PPP2R2C: variants seen among roughly 807,000 people sequenced by gnomAD.
PPP2R2C encodes protein phosphatase 2, regulatory subunit B, gamma.
PPP2R2C carries 10 observed loss-of-function variants against 45.3 expected under a neutral mutation model. The observed-to-expected ratio is 0.22, with a 90% CI of 0.14 to 0.37. The LOEUF is 0.37. Ranked by LOEUF, PPP2R2C falls within the 10% of genes least tolerant of loss-of-function variation. The probability of loss-of-function intolerance (pLI) is 1.00; values close to 1 mark genes in which losing one functional copy is unlikely to be tolerated. For missense variants in PPP2R2C, 308 were observed against 619.7 expected, an observed-to-expected ratio of 0.50 and a Z score of 5.34; for synonymous variants, 257 against 245.4, an observed-to-expected ratio of 1.05 and a Z score of -0.44.
chr4:6,414,951 C>A (rs1718471952), intron 1 of PPP2R2C, among the ~76,000 whole-genome samples: 1 of 152,198 alleles, frequency 6.6e-6, no homozygotes, highest in African/African-American at 2.4e-5. Flanking sequence ...CTCAGGGTCA[C>A]CCTCCCAGTG....
chr4:6,436,723 C>T (rs142359279), intron 1 of PPP2R2C, among the ~76,000 whole-genome samples: 6 of 152,282 alleles, frequency 3.9e-5, no homozygotes, highest in East Asian at 1.9e-4. Flanking sequence ...TCTCAACTAC[C>T]GTCACAACTA....
intron 1 of PPP2R2C, among the ~76,000 whole-genome samples, chr4:6,416,680 A>G (rs1718606875): frequency 1.3e-5 from 2 of 152,172 alleles, no homozygotes. Flanking sequence ...TGAGCTGCCA[A>G]CACGCCCTCC....
At chr4:6,414,996 C>G (rs775990647) in intron 1 of PPP2R2C, among the ~76,000 whole-genome samples, 1 of 152,232 alleles carries the variant, frequency 6.6e-6, no homozygotes, top group Non-Finnish European at 1.5e-5. Context: ...AAGAGCATCT[C>G]GCTCACACGA....
intron 2 of PPP2R2C, among the ~76,000 whole-genome samples, chr4:6,530,568 G>T (rs529488405): frequency 6.6e-6 from 1 of 152,148 alleles, no homozygotes; most frequent in African/African-American, 2.4e-5. Context: ...GAACCTGCCC[G>T]CTGTCCGGGT....
At chr4:6,554,050 C>T (rs995442499) in intron 1 of PPP2R2C, among the ~76,000 whole-genome samples, 42 of 152,178 alleles carry the variant, frequency 2.8e-4, no homozygotes, top group African/African-American at 9.7e-4. Context: ...AAGGGGTTAT[C>T]AGGGGGTGAC....
upstream of PPP2R2C, among the ~76,000 whole-genome samples, chr4:6,476,195 C>A (rs1339588240): frequency 6.6e-6 from 1 of 152,210 alleles, no homozygotes; most frequent in Admixed American, 6.5e-5. Flanking sequence ...GCTTGAAGAA[C>A]GACCACAAAG....
intron 2 of PPP2R2C, among the ~76,000 whole-genome samples, chr4:6,524,906 T>C (rs142026072): frequency 3.3e-5 from 5 of 151,702 alleles, no homozygotes; most frequent in African/African-American, 7.3e-5. Context: ...CTGGGCAACA[T>C]AGCAAGACCC....
intron 1 of PPP2R2C, among the ~76,000 whole-genome samples, chr4:6,406,509 C>T (rs1181412040): frequency 6.6e-5 from 10 of 152,170 alleles, no homozygotes; most frequent in East Asian, 3.9e-4. Context: ...GCGGGTAGAT[C>T]GCTTGAGCCC....
intron 8 of PPP2R2C, among the ~76,000 whole-genome samples, chr4:6,325,943 G>A (rs1161647882): frequency 6.6e-6 from 1 of 152,228 alleles, no homozygotes; most frequent in Non-Finnish European, 1.5e-5. Flanking sequence ...GGGAGGCTGC[G>A]GCAGGAGAAG....
intron 1 of PPP2R2C, among the ~76,000 whole-genome samples, chr4:6,424,219 A>G (rs957832080): frequency 1.3e-5 from 2 of 152,210 alleles, no homozygotes; most frequent in African/African-American, 4.8e-5. Context: ...TAAGCACTCT[A>G]GAGCCATGTG....
At chr4:6,359,623 G>GT (rs752785867) in intron 5 of PPP2R2C, among the ~76,000 whole-genome samples, 111 of 89,872 alleles carry the variant, frequency 1.2e-3, no homozygotes, top group Non-Finnish European at 2.5e-3. Context: ...TATTTCACCT[G>GT]TAAAAAAAAA....
At chr4:6,545,610 C>A (rs1195001721) in intron 1 of PPP2R2C, among the ~76,000 whole-genome samples, 2 of 152,198 alleles carry the variant, frequency 1.3e-5, no homozygotes, top group Non-Finnish European at 2.9e-5. Flanking sequence ...TGAATGCACT[C>A]AGCCATTCTG....
chr4:6,482,216 C>A (rs972486993), intron 2 of PPP2R2C, among the ~76,000 whole-genome samples: 2 of 152,080 alleles, frequency 1.3e-5, no homozygotes, highest in Non-Finnish European at 2.9e-5. Context: ...TTAATATGTG[C>A]CAGCTACTGT....
chr4:6,517,524 ATTATCC>A (rs1359329504), intron 2 of PPP2R2C, among the ~76,000 whole-genome samples: 2 of 152,208 alleles, frequency 1.3e-5, no homozygotes, highest in East Asian at 3.8e-4. Context: ...TGCTGCTGTT[ATTATCC>A]ATCTCTAATA....
intron 1 of PPP2R2C, among the ~76,000 whole-genome samples, chr4:6,435,920 C>T (rs1310183465): frequency 6.6e-6 from 1 of 152,118 alleles, no homozygotes; most frequent in Non-Finnish European, 1.5e-5. Flanking sequence ...ATGTGTGTCC[C>T]CCCGAAATTC....
At chr4:6,543,373 C>T (rs1034419865) in intron 1 of PPP2R2C, among the ~76,000 whole-genome samples, 13 of 152,036 alleles carry the variant, frequency 8.6e-5, no homozygotes, top group African/African-American at 2.7e-4. Context: ...ATGGGCCAAC[C>T]AGGGCAGCCA....
chr4:6,496,006 C>G (rs1241194993), intron 2 of PPP2R2C, among the ~76,000 whole-genome samples: 3 of 152,174 alleles, frequency 2.0e-5, no homozygotes, highest in Non-Finnish European at 4.4e-5. Context: ...TGCCCCTTGG[C>G]TTGTGAACAC....
intron 2 of PPP2R2C, among the ~76,000 whole-genome samples, chr4:6,484,412 G>A (rs535791767): frequency 6.6e-6 from 1 of 151,572 alleles, no homozygotes; most frequent in Admixed American, 6.6e-5. Context: ...AAATCAGATC[G>A]TGTTAGTCCT....
intron 1 of PPP2R2C, among the ~76,000 whole-genome samples, chr4:6,436,405 C>T (rs952165796): frequency 6.6e-6 from 1 of 152,228 alleles, no homozygotes; most frequent in Non-Finnish European, 1.5e-5. Context: ...CCTTTGGAGA[C>T]ATCCTGCACC....
Sources: allele counts gnomAD v4.1 joint callset (sites outside exome capture counted in the v4.1 genomes callset), GRCh38; gene constraint gnomAD v4.1.1; transcripts MANE v1.5; gene names NCBI Gene and HGNC (gene_info 2026-07-23, HGNC 2026-07-21).